Variants in ZSCAN25 observed in about 807,000 individuals in gnomAD.
The protein encoded by ZSCAN25 is zinc finger and SCAN domain-containing protein 25.
ZSCAN25 carries 27 observed loss-of-function variants against 38.7 expected under a neutral mutation model. That is an observed-to-expected ratio of 0.70 (90% CI 0.51 to 0.96). The LOEUF is 0.96. Ranked by LOEUF, ZSCAN25 falls within the 40% of genes least tolerant of loss-of-function variation. The probability of loss-of-function intolerance (pLI) is 0.00; values close to 1 mark genes in which losing one functional copy is unlikely to be tolerated. For missense variants in ZSCAN25, 637 were observed against 705.9 expected, an observed-to-expected ratio of 0.90 and a Z score of 1.11; for synonymous variants, 273 against 277.7, an observed-to-expected ratio of 0.98 and a Z score of 0.17.
At chr7:99,704,297 A>C in the ZSCAN25 span, among the ~76,000 whole-genome samples, 1 of 151,996 alleles carries the variant, frequency 6.6e-6, no homozygotes, top group African/African-American at 2.4e-5. Context: ...AAAAAGGCAT[A>C]ATTTTATTTT....
the ZSCAN25 span, chr7:99,679,790 A>G: frequency 1.9e-6 from 3 of 1,608,236 alleles, no homozygotes; most frequent in Admixed American, 5.0e-5. Context: ...CCCCAAGTCC[A>G]AGGAAACAAA....
the ZSCAN25 span, chr7:99,674,328 GC>G: frequency 5.1e-5 from 22 of 434,116 alleles, no homozygotes; most frequent in East Asian, 6.1e-4. Flanking sequence ...CCCTGAATTT[GC>G]ACATAGTTTA....
chr7:99,677,582 C>G, the ZSCAN25 span, among the ~76,000 whole-genome samples: 1 of 152,170 alleles, frequency 6.6e-6, no homozygotes, highest in Non-Finnish European at 1.5e-5. Context: ...TGTAAACATC[C>G]AGTGACTTAT....
the ZSCAN25 span, chr7:99,662,898 G>T: frequency 1.2e-6 from 2 of 1,613,450 alleles, no homozygotes; most frequent in African/African-American, 2.7e-5. This position sits in a 1 kb window ranked among gnomAD's most constrained non-coding sequence, Gnocchi z 4.3. Context: ...AGCAAAAGGA[G>T]AGATTTCTTT....
At chr7:99,724,097 CT>C in the ZSCAN25 span, among the ~76,000 whole-genome samples, 1 of 152,170 alleles carries the variant, frequency 6.6e-6, no homozygotes, top group Non-Finnish European at 1.5e-5. Context: ...ACCATCTCCC[CT>C]CTCTCCATGT....
the ZSCAN25 span, chr7:99,650,000 G>A: frequency 1.3e-6 from 2 of 1,524,268 alleles, no homozygotes; most frequent in Non-Finnish European, 1.8e-6. Context: ...AGATAAACAT[G>A]CATATTCTTT....
At chr7:99,638,430 C>T in the ZSCAN25 span, 1 of 1,572,954 alleles carries the variant, frequency 6.4e-7, no homozygotes, top group South Asian at 1.1e-5. Context: ...TATGGCATCC[C>T]TCATCTCCCG....
the ZSCAN25 span, among the ~76,000 whole-genome samples, chr7:99,655,660 T>C: frequency 1.3e-5 from 2 of 152,234 alleles, 1 homozygote; most frequent in Admixed American, 1.3e-4. Context: ...ATCTATAAAT[T>C]ACCTTGGGCA....
the ZSCAN25 span, chr7:99,665,160 A>G: frequency 6.2e-7 from 1 of 1,601,116 alleles, no homozygotes; most frequent in African/African-American, 1.3e-5. Flanking sequence ...ATAATAGCCC[A>G]CATACTTATT....
At chr7:99,717,740 T>C in the ZSCAN25 span, 1 of 1,419,430 alleles carries the variant, frequency 7.0e-7, no homozygotes, top group Non-Finnish European at 9.7e-7. Context: ...AACAAATATT[T>C]AGTGACTGTC....
intron 7 of ZSCAN25, among the ~76,000 whole-genome samples, chr7:99,628,021 G>A (rs1807644953): frequency 6.6e-6 from 1 of 151,990 alleles, no homozygotes; most frequent in African/African-American, 2.4e-5. Context: ...TGAGGCAGAG[G>A]CAGGAGGGTC....
chr7:99,637,698 G>A, the ZSCAN25 span, among the ~76,000 whole-genome samples: 255 of 152,228 alleles, frequency 1.7e-3, no homozygotes, highest in Middle Eastern at 3.4e-3. Flanking sequence ...GATATAAAAG[G>A]TCACATTTGA....
downstream of ZSCAN25, among the ~76,000 whole-genome samples, chr7:99,632,986 G>GTTTTTTTTTTTTTTTTTTT (rs201141594): frequency 1.1e-4 from 16 of 141,530 alleles, no homozygotes; most frequent in East Asian, 6.5e-4. Flanking sequence ...TGCATTTTCT[G>GTTTTTTTTTTTTTTTTTTT]TTGTTTTTTT....
the ZSCAN25 span, among the ~76,000 whole-genome samples, chr7:99,675,611 TCTCTCCTCTCCTTTTCTCTC>T: frequency 1.2e-5 from 1 of 86,872 alleles, no homozygotes; most frequent in East Asian, 3.6e-4. Context: ...TCTCCTCTCC[TCTCTCCTCTCCTTTTCTCTC>T]CTCTCCTCTC....
the ZSCAN25 span, chr7:99,679,983 C>A: frequency 8.8e-7 from 1 of 1,134,934 alleles, no homozygotes; most frequent in South Asian, 1.2e-5. Context: ...TGGAGCTTCC[C>A]TGCCCTGCAC....
At chr7:99,722,176 T>A in the ZSCAN25 span, 4 of 1,250,214 alleles carry the variant, frequency 3.2e-6, no homozygotes, top group East Asian at 7.1e-5. Context: ...CCTCTCTGTT[T>A]GTAGTTAGGC....
the ZSCAN25 span, chr7:99,735,015 T>A: frequency 1.9e-6 from 3 of 1,614,034 alleles, no homozygotes; most frequent in South Asian, 3.3e-5. Flanking sequence ...GCCTGAACAG[T>A]TACTCACAGA....
chr7:99,666,721 A>G, the ZSCAN25 span: 3 of 1,613,846 alleles, frequency 1.9e-6, no homozygotes, highest in Non-Finnish European at 2.5e-6. Context: ...ACCTGTAGTT[A>G]AATGTGCAGA....
In ZSCAN25 at chr7:99,630,781, A is replaced by C. The variant is rs1268673975; in HGVS notation, c.*761A>C. On this transcript the variant is annotated 3_prime_UTR_variant, in exon 8 of 8. Transcript: ENST00000394152. ...GTCCATTATTCCTTGCACTATAACA[A>C]CTGTCAACACACCAACTATTAGGAA... 1.0e-6 allele frequency: 1 copy of C among 985,282 alleles called. No homozygotes were observed. The highest frequency in any genetic ancestry group is 1.2e-6 in the Non-Finnish European group (1 of 829,942). The allele number at this position is 985,282 out of a possible 1,614,324, so 61.0% of individuals were successfully genotyped here.
Sources: gnomAD v4.1 joint callset for allele counts (sites outside exome capture counted in the v4.1 genomes callset) on GRCh38, gnomAD v4.1.1 for gene constraint, Gnocchi (gnomAD v3.1) non-coding constraint, MANE v1.5 for transcripts, NCBI Gene and HGNC (gene_info 2026-07-23, HGNC 2026-07-21) for gene names.